The following C2orf81 variants were observed in gnomAD, a reference collection of about 807,000 sequenced individuals.
C2orf81 encodes the protein uncharacterized protein C2orf81.
In C2orf81, 5 loss-of-function variants were observed where a neutral mutation model predicts 7.9. The observed-to-expected ratio is 0.63, with a 90% CI of 0.33 to 1.33. The LOEUF is 1.33. Ranked by LOEUF, C2orf81 falls within the 40% of genes most tolerant of loss-of-function variation. C2orf81 has a pLI of 0.05. For missense variants in C2orf81, 781 were observed against 830.4 expected (o/e 0.94, Z 0.73); for synonymous variants, 346 against 367.4 (o/e 0.94, Z 0.66).
intron 1 of C2orf81, chr2:74,417,738 C>T: frequency 1.9e-6 from 1 of 539,628 alleles, no homozygotes; most frequent in Non-Finnish European, 3.1e-6. Context: ...CTATGGGAAG[C>T]CAGAGGCAAC....
chr2:74,416,338 G>T, intron 1 of C2orf81, 97 bp from the exon 2 acceptor site: 1 of 884,530 alleles, frequency 1.1e-6, no homozygotes, highest in Non-Finnish European at 1.5e-6. Context: ...GTTGTCTAGT[G>T]GGAAGGAAAA....
rs1266960271 is a variant in C2orf81 at position 74,415,588 on chromosome 2, C to G, written c.589G>C (p.Gly197Arg). The G allele has an allele frequency of 1.3e-6, 2 of 1,551,198 alleles. No homozygotes were observed. The highest frequency in any genetic ancestry group is 1.7e-6 in the Non-Finnish European group (2 of 1,147,004). ...DPGGVDRIPL[G>R]RSWMGRGSQE... Reference sequence around the variant, plus strand: ...GAGCCTCGACCCATCCACGACCTTCCTAAAGGGATCCGGTCCACGCCCCCA... The same window carrying G: ...GAGCCTCGACCCATCCACGACCTTCGTAAAGGGATCCGGTCCACGCCCCCA... Residue 197 changes from glycine to arginine, a missense_variant, in exon 3 of 3, where the codon GGA becomes CGA. Transcript: ENST00000684111. This position sits in a 1 kb window ranked among gnomAD's most constrained non-coding sequence, Gnocchi z 5.5.
rs1023358476 is a variant in C2orf81 at position 74,415,931 on chromosome 2, C to A, written c.250-4G>T. On this transcript the variant is annotated splice_polypyrimidine_tract_variant and splice_region_variant and intron_variant, in intron 2 of 2. Coordinates refer to ENST00000684111, the MANE Select transcript of C2orf81 (RefSeq NM_001316764.3). This position sits in a 1 kb window ranked among gnomAD's most constrained non-coding sequence, Gnocchi z 5.5. ...GGCTGATGGTGAATGGAATGCACTGCGGAGGCGAGAGAGGATCTCAGGTCG... is the reference window on the plus strand; with the variant it reads ...GGCTGATGGTGAATGGAATGCACTGAGGAGGCGAGAGAGGATCTCAGGTCG... 1.3e-6 allele frequency: 2 copies of A among 1,546,846 alleles called. No individual in the cohort carries two copies. The highest frequency in any genetic ancestry group is 1.2e-5 in the South Asian group (1 of 83,810).
At chr2:74,418,023 G>A in intron 1 of C2orf81, 1 of 512,306 alleles carries the variant, frequency 2.0e-6, no homozygotes, top group Non-Finnish European at 3.6e-6. Context: ...GATGAGGGTG[G>A]TGGCTGGAGG....
rs2103824751 is a variant in C2orf81 at position 74,414,569 on chromosome 2, G to T, written c.1608C>A (p.Gly536=). Residue 536 remains glycine, a synonymous_variant, in exon 3 of 3, where the codon GGC becomes GGA. Coordinates refer to ENST00000684111, the MANE Select transcript of C2orf81 (RefSeq NM_001316764.3). The surrounding 1 kb of genome is among the most constrained non-coding windows in gnomAD (Gnocchi z 5.3). ...PQGLELADRE[G]QDPGRWPRTT... ...TTCGAGGCCATCTGCCAGGATCCTG[G>T]CCCTCCCTGTCTGCCAGCTCCAGAC... is the stretch of plus-strand genomic sequence containing the variant. 1 of 1,542,398 alleles carries T rather than the reference G, an allele frequency of 6.5e-7. No individual in the cohort carries two copies. The highest frequency in any genetic ancestry group is 1.2e-5 in the South Asian group (1 of 83,284).
At chr2:74,417,667 G>T in intron 1 of C2orf81, 1 of 701,426 alleles carries the variant, frequency 1.4e-6, no homozygotes, top group Non-Finnish European at 2.1e-6. Flanking sequence ...CAGTGGAGTG[G>T]GGTGTGCCAG....
chr2:74,415,506 G>T lies in C2orf81; in HGVS notation c.671C>A (p.Pro224His). ...PSPQLRVTSA[P>H]PPTSELFQEA... Reference sequence around the variant, plus strand: ...CTGAAACAGCTCTGATGTGGGAGGAGGGGCCGACGTGACTCTCAGCTGCGG... The same window carrying T: ...CTGAAACAGCTCTGATGTGGGAGGATGGGCCGACGTGACTCTCAGCTGCGG... The change falls in exon 3 of 3, where the codon CCT (proline) becomes CAT (histidine). Residue 224 changes from proline (P) to histidine (H), a missense_variant. Pro to His is a moderately conservative substitution (Grantham distance 77). Coordinates refer to ENST00000684111, the MANE Select transcript of C2orf81 (RefSeq NM_001316764.3). This position sits in a 1 kb window ranked among gnomAD's most constrained non-coding sequence, Gnocchi z 5.5. The T allele has an allele frequency of 6.5e-7, 1 of 1,544,426 alleles. No individual in the cohort carries two copies. Among genetic ancestry groups the T allele is most frequent in the Non-Finnish European group, 8.8e-7 (1 of 1,141,578 alleles).
chr2:74,414,561 G>A lies in C2orf81; in HGVS notation c.1616C>T (p.Pro539Leu). Residue 539 changes from proline to leucine, a missense_variant, in exon 3 of 3, where the codon CCT (proline) becomes CTT (leucine). By Grantham distance (98) the Pro-to-Leu change is moderately conservative. Transcript: ENST00000684111. The surrounding 1 kb of genome is among the most constrained non-coding windows in gnomAD (Gnocchi z 5.3). ...GGGTGTGGTTCGAGGCCATCTGCCA[G>A]GATCCTGGCCCTCCCTGTCTGCCAG... ...LELADREGQD[P>L]GRWPRTTPPV... 1.3e-6 allele frequency: 2 copies of A among 1,541,470 alleles called. No homozygotes were observed. The highest frequency in any genetic ancestry group is 1.8e-6 in the Non-Finnish European group (2 of 1,139,882).
Position 74,414,603 on chromosome 2 carries a change from G to A in C2orf81, c.1574C>T (p.Pro525Leu), listed in dbSNP as rs1489277076. 10 of 1,549,620 alleles carry A rather than the reference G, an allele frequency of 6.5e-6. No homozygotes were observed. Among genetic ancestry groups the A allele is most frequent in the Non-Finnish European group, 8.7e-6 (10 of 1,145,674 alleles). ...GELWAGRTRVPPQGLELADRE... is the reference protein window; with the variant it reads ...GELWAGRTRVLPQGLELADRE... ...GTCTGCCAGCTCCAGACCCTGTGGA[G>A]GCACGCGGGTCCGGCCAGCCCACAG... Residue 525 changes from proline (P) to leucine (L), a missense_variant, in exon 3 of 3, where the codon CCT becomes CTT. By Grantham distance (98) the Pro-to-Leu change is moderately conservative. Coordinates refer to ENST00000684111, the MANE Select transcript of C2orf81 (RefSeq NM_001316764.3). This position sits in a 1 kb window ranked among gnomAD's most constrained non-coding sequence, Gnocchi z 5.3.
intron 1 of C2orf81, among the ~76,000 whole-genome samples, chr2:74,420,827 C>A (rs1573218295): frequency 8.2e-6 from 1 of 122,034 alleles, no homozygotes. Context: ...GTCACCCAGG[C>A]TAGAGCGCAG....
At chr2:74,419,144 G>C (rs1382395135) in intron 1 of C2orf81, among the ~76,000 whole-genome samples, 2 of 151,180 alleles carry the variant, frequency 1.3e-5, no homozygotes, top group Admixed American at 6.6e-5. Flanking sequence ...TCATGCTACT[G>C]AACTCCAGCC....
chr2:74,416,565 C>CAAAAAAAAAAAAAAAAAAAAAAAAAA (rs59349435), intron 1 of C2orf81: 1 of 52,196 alleles, frequency 1.9e-5, no homozygotes, highest in African/African-American at 5.3e-5. Context: ...GACTGCGTCT[C>CAAAAAAAAAAAAAAAAAAAAAAAAAA]AAAAAAAAAA....
At position 74,415,592 on chromosome 2, in the gene C2orf81, A is replaced by G; in HGVS notation, c.585T>C (p.Pro195=). The change falls in exon 3 of 3, where the codon CCT becomes CCC. Residue 195 remains proline, a synonymous_variant. Transcript: ENST00000684111. The surrounding 1 kb of genome is among the most constrained non-coding windows in gnomAD (Gnocchi z 5.5). Reference sequence around the variant, plus strand: ...CTCGACCCATCCACGACCTTCCTAAAGGGATCCGGTCCACGCCCCCAGGGT... The same window carrying G: ...CTCGACCCATCCACGACCTTCCTAAGGGGATCCGGTCCACGCCCCCAGGGT... ...PQDPGGVDRI[P]LGRSWMGRGS... is the part of the protein sequence containing the mutation. 1.3e-6 allele frequency: 2 copies of G among 1,551,282 alleles called. No homozygotes were observed. The highest frequency in any genetic ancestry group is 1.7e-6 in the Non-Finnish European group (2 of 1,146,992).
rs766942835 is a variant in C2orf81 at position 74,415,514 on chromosome 2, C to T, written c.663G>A (p.Thr221=). 60 of 1,544,730 alleles carry T rather than the reference C, an allele frequency of 3.9e-5. No individual in the cohort carries two copies. Among genetic ancestry groups the T allele is most frequent in the East Asian group, 3.4e-4 (14 of 40,704 alleles). The change falls in exon 3 of 3, where the codon ACG becomes ACA. Residue 221 remains threonine (T), a synonymous_variant. Coordinates refer to ENST00000684111, the MANE Select transcript of C2orf81 (RefSeq NM_001316764.3). This position sits in a 1 kb window ranked among gnomAD's most constrained non-coding sequence, Gnocchi z 5.5. ...GCTCTGATGTGGGAGGAGGGGCCGA[C>T]GTGACTCTCAGCTGCGGAGAAGGCT... is the stretch of plus-strand genomic sequence containing the variant. ...SWEPSPQLRV[T]SAPPPTSELF...
chr2:74,415,542 C>A lies in C2orf81; in HGVS notation c.635G>T (p.Trp212Leu), dbSNP rs774571109. ...GRGSQEQMES[W>L]EPSPQLRVTS... ...GACTCTCAGCTGCGGAGAAGGCTCC[C>A]AAGATTCCATCTGCTCCTGGGAGCC... The change falls in exon 3 of 3, where the codon TGG becomes TTG. Residue 212 changes from tryptophan (W) to leucine (L), a missense_variant. Coordinates refer to ENST00000684111, the MANE Select transcript of C2orf81 (RefSeq NM_001316764.3). The surrounding 1 kb of genome is among the most constrained non-coding windows in gnomAD (Gnocchi z 5.5). 2 of 1,549,036 alleles carry A rather than the reference C, an allele frequency of 1.3e-6. No homozygotes were observed. Among genetic ancestry groups the A allele is most frequent in the Non-Finnish European group, 1.7e-6 (2 of 1,145,298 alleles).
chr2:74,418,886 T>TA lies in C2orf81; in HGVS notation c.19-2646dup, dbSNP rs925890976. Among the ~76,000 whole-genome samples, 599 of 145,200 alleles carry TA rather than the reference T, an allele frequency of 4.1e-3. 2 individuals are homozygous for TA. The highest frequency in any genetic ancestry group is 0.01 in the African/African-American group (414 of 39,876). ...TCCCCGAGTAAATTAAAAGCTCATA[T>TA]AAAAAAAAAAATGGCCGGGCGCAGT... On this transcript the variant is annotated intron_variant, in intron 1 of 2. Transcript: ENST00000684111.
At position 74,414,338 on chromosome 2, in the gene C2orf81, C is replaced by CT. The variant is rs1558526486; in HGVS notation, c.1838dup (p.Pro614AlafsTer28). 1 of 1,483,442 alleles carries CT rather than the reference C, an allele frequency of 6.7e-7. No individual in the cohort carries two copies. The highest frequency in any genetic ancestry group is 2.3e-5 in the Admixed American group (1 of 43,712). The allele number at this position is 1,483,442 out of a possible 1,614,324, so 91.9% of individuals were successfully genotyped here. ...ATTAGCTGTGCTACGGTCACCTGGGCTTTGGGGCACCTGTCTGGATGGGAT... is the reference window on the plus strand; with the variant it reads ...ATTAGCTGTGCTACGGTCACCTGGGCTTTTGGGGCACCTGTCTGGATGGGAT... On this transcript the variant is annotated frameshift_variant, in exon 3 of 3. Transcript: ENST00000684111. LOFTEE classifies it high-confidence loss of function. The surrounding 1 kb of genome is among the most constrained non-coding windows in gnomAD (Gnocchi z 5.3).
chr2:74,418,917 A>T (rs1457980905), intron 1 of C2orf81, among the ~76,000 whole-genome samples: 1 of 152,142 alleles, frequency 6.6e-6, no homozygotes, highest in Non-Finnish European at 1.5e-5. Context: ...GCAGTGGCTC[A>T]CGCCTGTAAT....
Position 74,415,032 on chromosome 2 carries a change from G to C in C2orf81, c.1145C>G (p.Pro382Arg), listed in dbSNP as rs769980398. Residue 382 changes from proline to arginine, a missense_variant, in exon 3 of 3, where the codon CCG becomes CGG. By Grantham distance (103) the Pro-to-Arg change is moderately radical. Transcript: ENST00000684111. The surrounding 1 kb of genome is among the most constrained non-coding windows in gnomAD (Gnocchi z 5.5). ...AVKRLDPARL[P>R]CHWVRPLAEV... ...AGCCAGAGGGCGCACCCAGTGGCAC[G>C]GGAGCCTCGCAGGGTCCAGGCGTTT... 6 of 1,548,652 alleles carry C rather than the reference G, an allele frequency of 3.9e-6. No individual in the cohort carries two copies. The South Asian group carries it at 4.8e-5, about 12-fold the overall frequency.
Sources: allele counts gnomAD v4.1 joint callset (sites outside exome capture counted in the v4.1 genomes callset), GRCh38; gene constraint gnomAD v4.1.1; non-coding constraint Gnocchi (gnomAD v3.1); transcripts MANE v1.5; gene names NCBI Gene and HGNC (gene_info 2026-07-23, HGNC 2026-07-21).